HDHD5: variants seen among roughly 807,000 people sequenced by gnomAD.
The protein encoded by HDHD5 is haloacid dehalogenase-like hydrolase domain-containing 5.
In HDHD5, 34 loss-of-function variants were observed where a neutral mutation model predicts 35.5. The ratio of observed to expected loss-of-function variants is 0.96; its 90% CI spans 0.73 to 1.28. The LOEUF (loss-of-function observed/expected upper bound fraction) is 1.28, where lower values mean the gene tolerates loss of function less well. Among genes scored for constraint, HDHD5 ranks in the 50% most tolerant of loss-of-function variants. HDHD5 has a pLI of 0.00. For missense variants in HDHD5, 589 were observed against 560.2 expected (o/e 1.05, Z -0.52); for synonymous variants, 248 against 240.6 (o/e 1.03, Z -0.29).
chr22:17,144,640 C>T (rs1217987807), intron 4 of HDHD5, among the ~76,000 whole-genome samples: 5 of 152,260 alleles, frequency 3.3e-5, no homozygotes, highest in African/African-American at 1.2e-4. Context: ...TCTGGAACTC[C>T]TGACCTCAGG....
At chr22:17,157,076 T>TCACACA (rs779244919) in intron 1 of HDHD5, among the ~76,000 whole-genome samples, 160 of 56,162 alleles carry the variant, frequency 2.8e-3, no homozygotes, top group East Asian at 4.4e-3. Context: ...AGACACCGTC[T>TCACACA]CACACACATA....
intron 2 of HDHD5, 35 bp downstream of exon 2, chr22:17,149,507 T>C: frequency 6.2e-7 from 1 of 1,601,482 alleles, no homozygotes; most frequent in East Asian, 2.2e-5. Context: ...AGGAACCAGG[T>C]CCTTGGGCTT....
Position 17,148,579 on chromosome 22 carries a change from C to G in HDHD5, c.331-19G>C. ...CATCCACCTGTAGGGACAGCCAAGA[C>G]AGGGGAGGGCAGAGGAAGACAGAAC... On this transcript the variant is annotated intron_variant, in intron 2 of 7. Coordinates refer to ENST00000336737, the MANE Select transcript of HDHD5 (RefSeq NM_033070.3). The G allele has an allele frequency of 6.4e-7, 1 of 1,558,984 alleles. No individual in the cohort carries two copies. Among genetic ancestry groups the G allele is most frequent in the South Asian group, 1.1e-5 (1 of 89,886 alleles).
chr22:17,146,030 AT>A (rs890997976), intron 3 of HDHD5, among the ~76,000 whole-genome samples: 1 of 152,030 alleles, frequency 6.6e-6, no homozygotes, highest in Non-Finnish European at 1.5e-5. Flanking sequence ...CAAAATCCTG[AT>A]TCTATCAGAT....
intron 1 of HDHD5, among the ~76,000 whole-genome samples, chr22:17,156,605 T>C (rs947003933): frequency 6.6e-6 from 1 of 151,964 alleles, no homozygotes; most frequent in Non-Finnish European, 1.5e-5. Context: ...TGAAACCCCA[T>C]CTCTACTAAA....
In HDHD5 at chr22:17,137,803, G is replaced by A. The variant is rs2061550522; in HGVS notation, c.*218C>T. On this transcript the variant is annotated 3_prime_UTR_variant, in exon 8 of 8. Transcript: ENST00000336737. The stretch of plus-strand genomic sequence containing the variant: ...GCCACGAAAGGCACGTGGGAACTGG[G>A]CCCAGAAAATTCCAACCGTTCCATA... The A allele has an allele frequency of 3.6e-6, 2 of 550,828 alleles. No individual in the cohort carries two copies. Among genetic ancestry groups the A allele is most frequent in the Admixed American group, 6.5e-5 (2 of 30,604 alleles). 34.1% of individuals were successfully genotyped at this position (550,828 alleles called of 1,614,324 possible).
At chr22:17,155,928 C>G (rs1459712116) in intron 1 of HDHD5, among the ~76,000 whole-genome samples, 2 of 152,166 alleles carry the variant, frequency 1.3e-5, no homozygotes, top group Admixed American at 6.5e-5. Context: ...AAGGGTTCAG[C>G]AGCTTTTACA....
At chr22:17,149,515 C>T in intron 2 of HDHD5, 27 bp downstream of exon 2, 3 of 1,606,122 alleles carry the variant, frequency 1.9e-6, no homozygotes, top group East Asian at 2.2e-5. Flanking sequence ...GGTCCTTGGG[C>T]TTCCATGCCT....
intron 1 of HDHD5, among the ~76,000 whole-genome samples, chr22:17,164,294 C>G (rs944436168): frequency 6.0e-5 from 9 of 150,774 alleles, no homozygotes; most frequent in Non-Finnish European, 1.5e-5. Flanking sequence ...CAAACTTGCA[C>G]AAATGTGTCT....
intron 4 of HDHD5, among the ~76,000 whole-genome samples, chr22:17,144,612 C>G (rs1399755146): frequency 6.6e-6 from 1 of 152,128 alleles, no homozygotes; most frequent in African/African-American, 2.4e-5. Context: ...CGGGGTTTCA[C>G]CATGTTGGCC....
At chr22:17,140,056 G>A (rs886868187) in intron 6 of HDHD5, among the ~76,000 whole-genome samples, 78 of 152,150 alleles carry the variant, frequency 5.1e-4, no homozygotes, top group African/African-American at 1.8e-3. Flanking sequence ...TCGAGCCACA[G>A]ACATACACTT....
intron 2 of HDHD5, among the ~76,000 whole-genome samples, chr22:17,148,795 G>A (rs1277887968): frequency 6.6e-6 from 1 of 152,196 alleles, no homozygotes; most frequent in Non-Finnish European, 1.5e-5. Flanking sequence ...TGCCACAGAT[G>A]TGGGTTCTGA....
At chr22:17,140,879 T>C (rs1483277937) in intron 6 of HDHD5, among the ~76,000 whole-genome samples, 180 bp downstream of exon 6, 1 of 152,164 alleles carries the variant, frequency 6.6e-6, no homozygotes, top group Non-Finnish European at 1.5e-5. Context: ...TAGTAACTAA[T>C]ATGTGGAGTG....
chr22:17,142,920 A>C, intron 5 of HDHD5, 178 bp downstream of exon 5: 1 of 599,134 alleles, frequency 1.7e-6, no homozygotes, highest in Non-Finnish European at 2.9e-6. Context: ...TGGGGAAGGA[A>C]AGACTAACAA....
rs377605731 is a variant in HDHD5, at chr22:17,138,048, G to C, written c.1245C>G (p.Phe415Leu). 5.0e-6 allele frequency: 8 copies of C among 1,613,076 alleles called. No individual in the cohort carries two copies. Among genetic ancestry groups the C allele is most frequent in the African/African-American group, 1.3e-5 (1 of 74,880 alleles). The change falls in exon 8 of 8, where the codon TTC becomes TTG. Residue 415 changes from phenylalanine to leucine, a missense_variant. Phe to Leu is a conservative substitution (Grantham distance 22). Coordinates refer to ENST00000336737, the MANE Select transcript of HDHD5 (RefSeq NM_033070.3). ...ACTCCAAAGCCCAGCCCTCCTTGCG[G>C]AAGACCAGCTGCACAGCCTCATTCA... ...NDVNEAVQLV[F>L]RKEGWALE
chr22:17,165,109 G>T lies in HDHD5; in HGVS notation c.36+100C>A. The T allele has an allele frequency of 4.2e-6, 3 of 713,024 alleles. No individual in the cohort carries two copies. In the South Asian group the frequency reaches 4.5e-5, roughly 11 times the overall value. 44.2% of individuals were successfully genotyped at this position (713,024 alleles called of 1,614,324 possible). On this transcript the variant is annotated intron_variant, in intron 1 of 7. Transcript: ENST00000155674. ...GAAGGTGGAGTTCTCTGTAGGGAAG[G>T]GATACATATTTCCTACTAGTCATGT... is the stretch of plus-strand genomic sequence containing the variant.
chr22:17,159,217 G>A lies in HDHD5; in HGVS notation c.35C>T (p.Ala12Val), dbSNP rs2123882422. The A allele has an allele frequency of 4.2e-6, 5 of 1,177,014 alleles. No individual in the cohort carries two copies. Among genetic ancestry groups the A allele is most frequent in the Non-Finnish European group, 5.2e-6 (5 of 955,194 alleles). 72.9% of individuals were successfully genotyped at this position (1,177,014 alleles called of 1,614,324 possible). A position where few individuals can be genotyped will look rare whatever the true frequency, so the allele number is the denominator to read the frequency against. The change falls in exon 1 of 8, where the codon GCG becomes GTG. Residue 12 changes from alanine to valine, a missense_variant. By Grantham distance (64) the Ala-to-Val change is moderately conservative (BLOSUM62 0). Coordinates refer to ENST00000336737, the MANE Select transcript of HDHD5 (RefSeq NM_033070.3). ...AAWGCVAALG[A>V]ARGLCWRAAR... Reference sequence around the variant, plus strand: ...CGCCCGCCAGCAAAGCCCACGCGCCGCGCCGAGCGCAGCCACACAGCCCCA... The same window carrying A: ...CGCCCGCCAGCAAAGCCCACGCGCCACGCCGAGCGCAGCCACACAGCCCCA...
rs114819238 is a variant in HDHD5 at position 17,155,709 on chromosome 22, A to G, written c.126+3417T>C. On this transcript the variant is annotated intron_variant, in intron 1 of 7. Transcript: ENST00000336737. ...AGAACCAGGCACCCAGTACCATAAA[A>G]AGTGAAGGTGTACATCAATTATAAC... Among the ~76,000 whole-genome samples, 204 of 152,294 alleles carry G rather than the reference A, an allele frequency of 1.3e-3. 1 individual carries two copies. Among genetic ancestry groups the G allele is most frequent in the African/African-American group, 4.8e-3 (201 of 41,566 alleles).
intron 1 of HDHD5, chr22:17,165,073 G>A (rs1458669621): frequency 5.9e-6 from 4 of 679,468 alleles, no homozygotes; most frequent in Admixed American, 4.1e-5. Flanking sequence ...CTTGCTGAGG[G>A]AGAATTCTGA....
Sources: allele counts gnomAD v4.1 joint callset (sites outside exome capture counted in the v4.1 genomes callset), GRCh38; gene constraint gnomAD v4.1.1; transcripts MANE v1.5; gene names NCBI Gene and HGNC (gene_info 2026-07-23, HGNC 2026-07-21).